The following HYDIN variants were observed in gnomAD, a reference collection of about 807,000 sequenced individuals.
HYDIN encodes the protein axonemal central pair apparatus protein HYDIN.
Under a neutral mutation model 403.9 loss-of-function variants are expected in HYDIN, and 132 were observed. That is an observed-to-expected ratio of 0.33 (90% confidence interval 0.28 to 0.38). HYDIN has a LOEUF of 0.38. Among genes scored for constraint, HYDIN ranks in the 10% least tolerant of loss-of-function variants. The pLI, the probability that HYDIN is intolerant of heterozygous loss-of-function variation, is 1.00. For synonymous variants in HYDIN, 1,202 were observed against 1,891.7 expected, an observed-to-expected ratio of 0.64 and a Z score of 9.46; for missense variants, 2,827 against 5,009.5, an observed-to-expected ratio of 0.56 and a Z score of 13.15.
intron 1 of HYDIN, among the ~76,000 whole-genome samples, chr16:71,229,886 CCA>C (rs2041205671): frequency 6.6e-6 from 1 of 152,152 alleles, no homozygotes; most frequent in African/African-American, 2.4e-5. Flanking sequence ...CCCATAATCC[CCA>C]CGTGTCATGG....
intron 40 of HYDIN, among the ~76,000 whole-genome samples, chr16:70,954,254 T>C (rs369513218): frequency 2.2e-5 from 2 of 91,676 alleles, no homozygotes; most frequent in African/African-American, 8.7e-5. Context: ...TTTGGGAGGA[T>C]TGCTTGAGGC....
chr16:71,184,885 C>T lies in HYDIN; in HGVS notation c.241G>A (p.Gly81Arg). The T allele has an allele frequency of 6.2e-7, 1 of 1,606,946 alleles. No homozygotes were observed. Among genetic ancestry groups the T allele is most frequent in the Non-Finnish European group, 8.5e-7 (1 of 1,175,346 alleles). The change falls in exon 3 of 86, where the codon GGG becomes AGG. Residue 81 changes from glycine (G) to arginine (R), a missense_variant. Coordinates refer to ENST00000393567, the MANE Select transcript of HYDIN (RefSeq NM_001270974.2). The stretch of plus-strand genomic sequence containing the variant: ...GCTACCTTCTGATGTGTTGTTTCCC[C>T]CATATCTAAGAGTTCGATGATCTGT... ...RPQIIELLDM[G>R]ETTHQKFSGI...
chr16:70,830,846 T>G lies in HYDIN; in HGVS notation c.13900-1016A>C, dbSNP rs111817690. Among the ~76,000 whole-genome samples, 8 of 152,272 alleles carry G rather than the reference T, an allele frequency of 5.3e-5. 1 individual carries two copies. The highest frequency in any genetic ancestry group is 1.9e-4 in the African/African-American group (8 of 41,558). On this transcript the variant is annotated intron_variant, in intron 80 of 85. Transcript: ENST00000393567. ...GAGCTCAGGTTTCATACATGTTAAA[T>G]TTGAGATGCCTATTCGTCAAGAAGG...
intron 1 of HYDIN, among the ~76,000 whole-genome samples, chr16:71,201,174 T>A (rs1188260537): frequency 6.6e-6 from 1 of 152,110 alleles, no homozygotes; most frequent in Admixed American, 6.5e-5. Flanking sequence ...GTAACTAAAT[T>A]TTTATGTCTT....
At chr16:70,982,001 A>G (rs2079059694) in intron 28 of HYDIN, among the ~76,000 whole-genome samples, 1 of 151,192 alleles carries the variant, frequency 6.6e-6, no homozygotes, top group African/African-American at 2.4e-5. Flanking sequence ...GGTGGTGGGC[A>G]CCTGTAGTCC....
rs1279539888 is a variant in HYDIN, at chr16:71,189,012, A to G, written c.-23-2094T>C. 6.6e-5 allele frequency among the ~76,000 whole-genome samples: 10 copies of G among 152,360 alleles called. No individual in the cohort carries two copies. The South Asian group carries it at 1.9e-3, about 28-fold the overall frequency. ...TGGAAATTTTAAAGTCTTCTATTAA[A>G]GGACAACAAAGTAAAAATTCATGAA... On this transcript the variant is annotated intron_variant, in intron 1 of 85. Transcript: ENST00000393567.
chr16:71,126,020 G>A (rs2084441879), intron 9 of HYDIN, among the ~76,000 whole-genome samples: 1 of 151,864 alleles, frequency 6.6e-6, no homozygotes, highest in Non-Finnish European at 1.5e-5. Flanking sequence ...TGTGGTCACA[G>A]GGAAATGCTG....
chr16:70,834,845 C>A (rs1221891243), intron 78 of HYDIN, among the ~76,000 whole-genome samples: 1 of 149,108 alleles, frequency 6.7e-6, no homozygotes, highest in African/African-American at 2.5e-5. Context: ...GAGACTCCGA[C>A]TCAAAAAAAA....
chr16:71,002,764 G>A (rs1457780923), intron 23 of HYDIN, among the ~76,000 whole-genome samples: 1 of 148,194 alleles, frequency 6.7e-6, no homozygotes, highest in Non-Finnish European at 1.5e-5. Flanking sequence ...TGCAACCTTT[G>A]CCTCCTGGGT....
At chr16:71,178,759 G>C (rs1218200027) in intron 4 of HYDIN, among the ~76,000 whole-genome samples, 169 bp downstream of exon 4, 1 of 152,124 alleles carries the variant, frequency 6.6e-6, no homozygotes, top group Non-Finnish European at 1.5e-5. Context: ...GCAACAAACA[G>C]ACACAGCCTT....
rs760091986 is a variant in HYDIN at position 70,974,525 on chromosome 16, C to A, written c.4909+9G>T. On this transcript the variant is annotated intron_variant, in intron 32 of 85. Coordinates refer to ENST00000393567, the MANE Select transcript of HYDIN (RefSeq NM_001270974.2). ...GTGCAATAGGAAAGGGTCTCCCCAGCCTGGGTACCTGTCTCATGAAGGACA... is the reference window on the plus strand; with the variant it reads ...GTGCAATAGGAAAGGGTCTCCCCAGACTGGGTACCTGTCTCATGAAGGACA... 2.5e-6 allele frequency: 4 copies of A among 1,607,584 alleles called. No homozygotes were observed. The highest frequency in any genetic ancestry group is 2.5e-6 in the Non-Finnish European group (3 of 1,177,708).
chr16:71,229,242 A>C (rs1244552245), intron 1 of HYDIN, among the ~76,000 whole-genome samples: 4 of 152,150 alleles, frequency 2.6e-5, no homozygotes, highest in African/African-American at 4.8e-5. Context: ...CCAATATGGC[A>C]CATGTATACA....
At chr16:70,848,037 TTTTC>T (rs1192124857) in intron 75 of HYDIN, among the ~76,000 whole-genome samples, 4 of 142,868 alleles carry the variant, frequency 2.8e-5, no homozygotes, top group African/African-American at 1.0e-4. Context: ...TTTGCTGATT[TTTTC>T]TTTTTCTTTT....
intron 18 of HYDIN, among the ~76,000 whole-genome samples, chr16:71,037,889 G>A (rs1051800511): frequency 4.6e-5 from 7 of 152,126 alleles, no homozygotes; most frequent in African/African-American, 1.4e-4. Context: ...CCTTACCCAC[G>A]GAAACTGAGA....
At chr16:71,177,463 A>T (rs1328223743) in intron 4 of HYDIN, among the ~76,000 whole-genome samples, 1 of 152,108 alleles carries the variant, frequency 6.6e-6, no homozygotes, top group Non-Finnish European at 1.5e-5. Context: ...TTTCTGACCC[A>T]TGAGCTTCTC....
intron 9 of HYDIN, among the ~76,000 whole-genome samples, chr16:71,116,384 G>C (rs2084033521): frequency 1.3e-5 from 2 of 152,228 alleles, no homozygotes; most frequent in African/African-American, 4.8e-5. Flanking sequence ...TAGTAAGAGT[G>C]AATAATATTC....
Position 71,180,540 on chromosome 16 carries a change from T to C in HYDIN, c.262-1493A>G, listed in dbSNP as rs1038107238. ...TATAACGTTAGCATAACCTCCTTTA[T>C]ATATCTGAGAAAGACACTAAGGGAA... On this transcript the variant is annotated intron_variant, in intron 3 of 85. Transcript: ENST00000393567. Among the ~76,000 whole-genome samples the C allele has an allele frequency of 2.2e-4, 33 of 152,088 alleles. 1 individual carries two copies. Among genetic ancestry groups the C allele is most frequent in the Admixed American group, 2.1e-3 (32 of 15,274 alleles).
chr16:70,940,412 C>A (rs2077633284), intron 43 of HYDIN, among the ~76,000 whole-genome samples: 1 of 151,844 alleles, frequency 6.6e-6, no homozygotes, highest in Non-Finnish European at 1.5e-5. Context: ...AATAAGCGAT[C>A]ATGTAAAGTG....
At chr16:70,947,869 T>C (rs2077926517) in intron 41 of HYDIN, among the ~76,000 whole-genome samples, 2 of 149,716 alleles carry the variant, frequency 1.3e-5, no homozygotes, top group African/African-American at 4.9e-5. Flanking sequence ...ATCGTGAAAA[T>C]GGCCATACTG....
Sources: gnomAD v4.1 joint callset for allele counts (sites outside exome capture counted in the v4.1 genomes callset) on GRCh38, gnomAD v4.1.1 for gene constraint, MANE v1.5 for transcripts, NCBI Gene and HGNC (gene_info 2026-07-23, HGNC 2026-07-21) for gene names.